The following ALPP variants were observed in gnomAD, a reference collection of about 807,000 sequenced individuals.
The protein encoded by ALPP is alkaline phosphatase, placental type.
A neutral mutation model predicts 50.7 loss-of-function variants in ALPP; 39 were observed. The ratio of observed to expected loss-of-function variants is 0.77; its 90% CI spans 0.60 to 1.00. ALPP has a LOEUF of 1.00. Among genes scored for constraint, ALPP ranks in the 50% least tolerant of loss-of-function variants. The probability of loss-of-function intolerance (pLI) is 0.00; values close to 1 mark genes in which losing one functional copy is unlikely to be tolerated. For synonymous variants in ALPP, 226 were observed against 320.3 expected, an observed-to-expected ratio of 0.71 and a Z score of 3.14; for missense variants, 550 against 746.8, an observed-to-expected ratio of 0.74 and a Z score of 3.07.
Position 232,381,629 on chromosome 2 carries a change from C to T in ALPP, c.1442C>T (p.Ala481Val). ...VHGVQEQTFI[A>V]HVMAFAACLE... ...GGCGTGCAGGAGCAGACCTTCATAGCGCACGTCATGGCCTTCGCCGCCTGC... is the reference window on the plus strand; with the variant it reads ...GGCGTGCAGGAGCAGACCTTCATAGTGCACGTCATGGCCTTCGCCGCCTGC... Residue 481 changes from alanine (A) to valine (V), a missense_variant, in exon 11 of 11, where the codon GCG (alanine) becomes GTG (valine). By Grantham distance (64) the Ala-to-Val change is moderately conservative (BLOSUM62 0). Transcript: ENST00000392027. 2 of 1,612,372 alleles carry T rather than the reference C, an allele frequency of 1.2e-6. No individual in the cohort carries two copies. The highest frequency in any genetic ancestry group is 2.2e-5 in the East Asian group (1 of 44,856).
rs1320464222 is a variant in ALPP at position 232,379,000 on chromosome 2, C to A, written c.106C>A (p.Arg36Ser). ...GGAGGAGAACCCGGACTTCTGGAAC[C>A]GCGAGGCAGCCGAGGCCCTGGGTGC... Reference protein sequence around the residue: ...VEEENPDFWNREAAEALGAAK... With the variant: ...VEEENPDFWNSEAAEALGAAK... Residue 36 changes from arginine (R) to serine (S), a missense_variant, in exon 2 of 11, where the codon CGC (arginine) becomes AGC (serine). Transcript: ENST00000392027. 3.1e-6 allele frequency: 5 copies of A among 1,613,986 alleles called. No individual in the cohort carries two copies. The highest frequency in any genetic ancestry group is 4.2e-6 in the Non-Finnish European group (5 of 1,180,032).
rs1696739162 is a variant in ALPP, at chr2:232,382,560, G to C, written c.*765G>C. On this transcript the variant is annotated 3_prime_UTR_variant, in exon 11 of 11. Coordinates refer to ENST00000392027, the MANE Select transcript of ALPP (RefSeq NM_001632.5). ...AGGAAGACTCCCCTGCCTCCCCAGG[G>C]CCTCTGCTCTCCTGGGAGACAAAGC... The C allele has an allele frequency of 1.3e-5, 2 of 152,426 alleles. No individual in the cohort carries two copies. Among genetic ancestry groups the C allele is most frequent in the East Asian group, 1.9e-4 (1 of 5,190 alleles). 9.4% of individuals were successfully genotyped at this position (152,426 alleles called of 1,614,324 possible). A position where few individuals can be genotyped will look rare whatever the true frequency, so the allele number is the denominator to read the frequency against.
rs1194475914 is a variant in ALPP at position 232,381,480 on chromosome 2, C to A, written c.1310-17C>A. 8 of 1,612,990 alleles carry A rather than the reference C, an allele frequency of 5.0e-6. No individual in the cohort carries two copies. Among genetic ancestry groups the A allele is most frequent in the Non-Finnish European group, 5.9e-6 (7 of 1,179,744 alleles). On this transcript the variant is annotated splice_polypyrimidine_tract_variant and intron_variant, in intron 10 of 10. Coordinates refer to ENST00000392027, the MANE Select transcript of ALPP (RefSeq NM_001632.5). ...AACTGAATGAACCCTCCTACCGGAACTGAACCCTCCAACCAGGGAGCCCCG... is the reference window on the plus strand; with the variant it reads ...AACTGAATGAACCCTCCTACCGGAAATGAACCCTCCAACCAGGGAGCCCCG...
rs781391506 is a variant in ALPP, at chr2:232,381,587, AG to A, written c.1402del (p.Ala468ArgfsTer13). 6.2e-7 allele frequency: 1 copy of A among 1,612,708 alleles called. No homozygotes were observed. Among genetic ancestry groups the A allele is most frequent in the African/African-American group, 1.3e-5 (1 of 75,038 alleles). On this transcript the variant is annotated frameshift_variant, in exon 11 of 11. Transcript: ENST00000392027. LOFTEE classifies it low-confidence loss of function (END_TRUNC). ...GTGGCGGTGTTCGCGCGCGGCCCGC[AG>A]GCGCACCTGGTTCACGGCGTGCAGG... ...EDVAVFARGPQAHLVHGVQEQ... is the reference protein window; with the variant it reads ...EDVAVFARGPXAHLVHGVQEQ...
Position 232,379,925 on chromosome 2 carries a change from A to G in ALPP, c.646A>G (p.Met216Val), listed in dbSNP as rs751673059. 22 of 1,608,290 alleles carry G rather than the reference A, an allele frequency of 1.4e-5. No individual in the cohort carries two copies. Among genetic ancestry groups the G allele is most frequent in the Non-Finnish European group, 1.9e-5 (22 of 1,177,192 alleles). The change falls in exon 5 of 11, where the codon ATG becomes GTG. Residue 216 changes from methionine to valine, a missense_variant. Around this residue, in one of 5 missense-constraint regions of ALPP, gnomAD observed 376 missense variants for 388.5 expected, o/e 0.97. Coordinates refer to ENST00000392027, the MANE Select transcript of ALPP (RefSeq NM_001632.5). ...CATCGCTACGCAGCTCATCTCCAAC[A>G]TGGACATTGACGTGCGACCCCCAGG... The part of the protein sequence containing the change: ...QDIATQLISN[M>V]DIDVILGGGR...
Position 232,382,753 on chromosome 2 carries a change from G to C in ALPP, c.*958G>C, listed in dbSNP as rs1040464654. ...TGAAGCAGGATAATCGCTTGAACCC[G>C]GGCGGCGGAGATTGCAGTGAGCCGA... On this transcript the variant is annotated 3_prime_UTR_variant, in exon 11 of 11. Coordinates refer to ENST00000392027, the MANE Select transcript of ALPP (RefSeq NM_001632.5). 2 of 152,160 alleles carry C rather than the reference G, an allele frequency of 1.3e-5. No homozygotes were observed. Among genetic ancestry groups the C allele is most frequent in the Non-Finnish European group, 2.9e-5 (2 of 68,070 alleles). The allele number at this position is 152,160 out of a possible 1,614,324, so 9.4% of individuals were successfully genotyped here.
rs138519491 is a variant in ALPP at position 232,380,258 on chromosome 2, A to G, written c.730A>G (p.Ser244Gly). ...TPDPEYPDDY[S>G]QGGTRLDGKN... ...AGACCCTGAGTACCCAGATGACTAC[A>G]GCCAAGGTGGGACCAGGCTGGACGG... The change falls in exon 6 of 11, where the codon AGC becomes GGC. Residue 244 changes from serine (S) to glycine (G), a missense_variant. Ser to Gly is a moderately conservative substitution (Grantham distance 56). Around this residue, in one of 5 missense-constraint regions of ALPP, gnomAD observed 376 missense variants for 388.5 expected, o/e 0.97. Transcript: ENST00000392027. The G allele has an allele frequency of 9.9e-4, 1,594 of 1,613,942 alleles. No homozygotes were observed. The African/African-American group carries it at 0.019, about 19-fold the overall frequency.
Position 232,381,729 on chromosome 2 carries a change from G to T in ALPP, c.1542G>T (p.Val514=). The T allele has an allele frequency of 1.2e-6, 2 of 1,600,496 alleles. No homozygotes were observed. The highest frequency in any genetic ancestry group is 1.7e-6 in the Non-Finnish European group (2 of 1,175,242). ...ACGCCGCGCACCCGGGGCGGTCCGTGGTCCCCGCGTTGCTTCCTCTGCTGG... is the reference window on the plus strand; with the variant it reads ...ACGCCGCGCACCCGGGGCGGTCCGTTGTCCCCGCGTTGCTTCCTCTGCTGG... ...TTDAAHPGRS[V]VPALLPLLAG... Residue 514 remains valine, a synonymous_variant, in exon 11 of 11, where the codon GTG becomes GTT. Transcript: ENST00000392027.
rs748248964 is a variant in ALPP at position 232,379,839 on chromosome 2, A to G, written c.560A>G (p.Asn187Ser). Reference protein sequence around the residue: ...SPAGTYAHTVNRNWYSDADVP... With the variant: ...SPAGTYAHTVSRNWYSDADVP... ...GCCGGCACCTACGCCCACACGGTGA[A>G]CCGCAACTGGTACTCGGACGCCGAC... The change falls in exon 5 of 11, where the codon AAC becomes AGC. Residue 187 changes from asparagine (N) to serine (S), a missense_variant. Coordinates refer to ENST00000392027, the MANE Select transcript of ALPP (RefSeq NM_001632.5). The G allele has an allele frequency of 6.2e-7, 1 of 1,613,728 alleles. No individual in the cohort carries two copies. The highest frequency in any genetic ancestry group is 8.5e-7 in the Non-Finnish European group (1 of 1,179,952).
chr2:232,379,659 C>G lies in ALPP; in HGVS notation c.456C>G (p.Ile152Met), dbSNP rs759805201. The G allele has an allele frequency of 8.7e-6, 14 of 1,613,836 alleles. No homozygotes were observed. The highest frequency in any genetic ancestry group is 5.0e-5 in the Admixed American group (3 of 59,976). The change falls in exon 4 of 11, where the codon ATC (isoleucine) becomes ATG (methionine). Residue 152 changes from isoleucine (I) to methionine (M), a missense_variant. Transcript: ENST00000392027. Reference sequence around the variant, plus strand: ...ACACGACACGCGGCAACGAGGTCATCTCCGTGATGAATCGGGCCAAGAAAG... The same window carrying G: ...ACACGACACGCGGCAACGAGGTCATGTCCGTGATGAATCGGGCCAAGAAAG... ...QCNTTRGNEV[I>M]SVMNRAKKAG... is the part of the protein sequence containing the mutation.
rs1575046135 is a variant in ALPP, at chr2:232,381,343, C to T, written c.1285C>T (p.Pro429Ser). The stretch of plus-strand genomic sequence containing the variant: ...CTATGTGCTCAAGGACGGCGCCCGG[C>T]CGGATGTTACCGAGAGCGAGAGCGG... Reference protein sequence around the residue: ...PGYVLKDGARPDVTESESGSP... With the variant: ...PGYVLKDGARSDVTESESGSP... The change falls in exon 10 of 11, where the codon CCG (proline) becomes TCG (serine). Residue 429 changes from proline to serine, a missense_variant. Pro to Ser is a moderately conservative substitution (Grantham distance 74). Around this residue, in one of 5 missense-constraint regions of ALPP, gnomAD observed 155 missense variants for 167.6 expected, o/e 0.92. Transcript: ENST00000392027. 9 of 1,614,164 alleles carry T rather than the reference C, an allele frequency of 5.6e-6. No homozygotes were observed. In the East Asian group the frequency reaches 1.3e-4, roughly 24 times the overall value.
chr2:232,378,926 C>T, intron 1 of ALPP, 45 bp from the exon 2 acceptor site: 1 of 1,613,872 alleles, frequency 6.2e-7, no homozygotes, highest in South Asian at 1.1e-5. Flanking sequence ...ACACAGGGCA[C>T]CCCCCAGCCC....
Position 232,381,694 on chromosome 2 carries a change from G to T in ALPP, c.1507G>T (p.Gly503Cys). The change falls in exon 11 of 11, where the codon GGC becomes TGC. Residue 503 changes from glycine (G) to cysteine (C), a missense_variant. By Grantham distance (159) the Gly-to-Cys change is radical. Around this residue, in one of 5 missense-constraint regions of ALPP, gnomAD observed 155 missense variants for 167.6 expected, o/e 0.92. Coordinates refer to ENST00000392027, the MANE Select transcript of ALPP (RefSeq NM_001632.5). ...YTACDLAPPAGTTDAAHPGRS... is the reference protein window; with the variant it reads ...YTACDLAPPACTTDAAHPGRS... The stretch of plus-strand genomic sequence containing the variant: ...CGCCTGCGACCTGGCGCCCCCCGCC[G>T]GCACCACCGACGCCGCGCACCCGGG... 1.2e-6 allele frequency: 2 copies of T among 1,608,588 alleles called. No individual in the cohort carries two copies. The highest frequency in any genetic ancestry group is 1.7e-6 in the Non-Finnish European group (2 of 1,178,504).
rs114647024 is a variant in ALPP, at chr2:232,382,114, C to T, written c.*319C>T. The stretch of plus-strand genomic sequence containing the variant: ...GCCCAGTGGGTACCAGGCAGGCTCC[C>T]TTCCTGGGGAAAAGAAGCACCCAGA... On this transcript the variant is annotated 3_prime_UTR_variant, in exon 11 of 11. Coordinates refer to ENST00000392027, the MANE Select transcript of ALPP (RefSeq NM_001632.5). 2,619 of 485,860 alleles carry T rather than the reference C, an allele frequency of 5.4e-3. 53 individuals are homozygous for T. The highest frequency in any genetic ancestry group is 0.048 in the African/African-American group (2,394 of 50,190). The allele number at this position is 485,860 out of a possible 1,614,324, so 30.1% of individuals were successfully genotyped here.
chr2:232,381,787 G>A lies in ALPP; in HGVS notation c.1600G>A (p.Ala534Thr). 1.1e-5 allele frequency: 18 copies of A among 1,578,992 alleles called. No individual in the cohort carries two copies. The highest frequency in any genetic ancestry group is 1.5e-5 in the Non-Finnish European group (18 of 1,167,578). Residue 534 changes from alanine (A) to threonine (T), a missense_variant, in exon 11 of 11, where the codon GCT (alanine) becomes ACT (threonine). Ala to Thr is a moderately conservative substitution (Grantham distance 58). This residue lies in a region of ALPP where 155 missense variants were observed against 167.6 expected (regional missense o/e 0.92). Transcript: ENST00000392027. ...GTLLLLETAT[A>T]P ...CCTGCTGCTGCTGGAGACGGCCACT[G>A]CTCCCTGAGTGTCCCGTCCCTGGGG...
rs371349871 is a variant in ALPP, at chr2:232,379,881, G to T, written c.602G>T (p.Arg201Leu). 1.2e-6 allele frequency: 2 copies of T among 1,613,150 alleles called. No individual in the cohort carries two copies. The highest frequency in any genetic ancestry group is 1.1e-5 in the South Asian group (1 of 90,978). ...YSDADVPASA[R>L]QEGCQDIATQ... ...GACGCCGACGTGCCTGCCTCCGCCC[G>T]CCAGGAGGGGTGCCAGGACATCGCT... The change falls in exon 5 of 11, where the codon CGC (arginine) becomes CTC (leucine). Residue 201 changes from arginine to leucine, a missense_variant. Physicochemically the swap from Arg to Leu is moderately radical, Grantham distance 102. This residue lies in a region of ALPP where 376 missense variants were observed against 388.5 expected (regional missense o/e 0.97). Coordinates refer to ENST00000392027, the MANE Select transcript of ALPP (RefSeq NM_001632.5).
rs1277156913 is a variant in ALPP, at chr2:232,381,382, G to T, written c.1309+15G>T. 6.2e-7 allele frequency: 1 copy of T among 1,613,974 alleles called. No homozygotes were observed. The highest frequency in any genetic ancestry group is 2.2e-5 in the East Asian group (1 of 44,892). The stretch of plus-strand genomic sequence containing the variant: ...GAGCGAGAGCGGTGAGTGCCGCGGG[G>T]TGGCCCCCTGAGGGGGACCAGGGTG... On this transcript the variant is annotated intron_variant, in intron 10 of 10. Coordinates refer to ENST00000392027, the MANE Select transcript of ALPP (RefSeq NM_001632.5).
At position 232,380,077 on chromosome 2, in the gene ALPP, G is replaced by C. The variant is rs1268553348; in HGVS notation, c.658-109G>C. Reference sequence around the variant, plus strand: ...TGTGGGCGTAGAAGGTGCAGCCCAGGCTGGGCCATTCCCACAGCCTTGGGG... The same window carrying C: ...TGTGGGCGTAGAAGGTGCAGCCCAGCCTGGGCCATTCCCACAGCCTTGGGG... On this transcript the variant is annotated intron_variant, in intron 5 of 10. Transcript: ENST00000392027. The C allele has an allele frequency of 4.4e-6, 7 of 1,587,246 alleles. No individual in the cohort carries two copies. The East Asian group carries it at 9.0e-5, about 20-fold the overall frequency.
chr2:232,379,494 A>G lies in ALPP; in HGVS notation c.310-19A>G, dbSNP rs1696663504. The G allele has an allele frequency of 6.2e-7, 1 of 1,613,786 alleles. No individual in the cohort carries two copies. Among genetic ancestry groups the G allele is most frequent in the Non-Finnish European group, 8.5e-7 (1 of 1,179,970 alleles). ...CCGTGTCTGCCCCAGAGAAGAGCTC[A>G]GAGTGTCTCTGTCCCCAGACATACA... On this transcript the variant is annotated intron_variant, in intron 3 of 10. Coordinates refer to ENST00000392027, the MANE Select transcript of ALPP (RefSeq NM_001632.5).
Sources: gnomAD v4.1 joint callset for allele counts on GRCh38, gnomAD v4.1.1 for gene constraint, gnomAD v4.1.1 regional missense constraint, MANE v1.5 for transcripts, NCBI Gene and HGNC (gene_info 2026-07-23, HGNC 2026-07-21) for gene names.